The following ZNF782 variants were observed in gnomAD, a reference collection of about 807,000 sequenced individuals.
ZNF782 encodes zinc finger protein 782.
ZNF782 carries 12 observed loss-of-function variants against 13.0 expected under a neutral mutation model. The observed-to-expected ratio is 0.92, with a 90% CI of 0.59 to 1.50. ZNF782 has a LOEUF of 1.50. Ranked by LOEUF, ZNF782 falls within the 40% of genes most tolerant of loss-of-function variation. The pLI, the probability that ZNF782 is intolerant of heterozygous loss-of-function variation, is 0.00. For synonymous variants in ZNF782, 284 were observed against 283.0 expected (o/e 1.00, Z -0.04); for missense variants, 770 against 822.9 (o/e 0.94, Z 0.79).
At chr9:96,868,093 ACT>A (rs1164858114) in intron 1 of ZNF782, among the ~76,000 whole-genome samples, 8 of 152,212 alleles carry the variant, frequency 5.3e-5, no homozygotes, top group African/African-American at 1.7e-4. Context: ...AAGTAGAGAG[ACT>A]CTCTCAAAGA....
chr9:96,877,226 A>G (rs1056307944), upstream of ZNF782, among the ~76,000 whole-genome samples: 12 of 152,194 alleles, frequency 7.9e-5, no homozygotes, highest in African/African-American at 2.9e-4. Flanking sequence ...GCACCTATTC[A>G]CCCAAGGGTT....
chr9:96,911,294 C>G, the ZNF782 span, among the ~76,000 whole-genome samples: 3 of 144,266 alleles, frequency 2.1e-5, no homozygotes, highest in Admixed American at 2.1e-4. Flanking sequence ...AAAAAATTAG[C>G]TGGGCGCGGT....
At chr9:96,884,647 C>T in the ZNF782 span, among the ~76,000 whole-genome samples, 3 of 152,194 alleles carry the variant, frequency 2.0e-5, no homozygotes, top group East Asian at 3.9e-4. Flanking sequence ...AGTCAGCGTC[C>T]CACTTTGACC....
the ZNF782 span, among the ~76,000 whole-genome samples, chr9:96,911,156 A>G: frequency 6.8e-6 from 1 of 147,820 alleles, no homozygotes; most frequent in South Asian, 2.1e-4. Flanking sequence ...TTGTAAAAAA[A>G]GGGCCAGGCG....
the ZNF782 span, among the ~76,000 whole-genome samples, chr9:96,930,872 G>GTT: frequency 6.2e-4 from 45 of 72,724 alleles, 11 homozygotes; most frequent in South Asian, 1.1e-3. Context: ...CCATCCAGTG[G>GTT]TTTTTTTTTT....
chr9:96,879,554 G>A (rs555548326), upstream of ZNF782, among the ~76,000 whole-genome samples: 34 of 152,232 alleles, frequency 2.2e-4, no homozygotes, highest in South Asian at 6.6e-3. Flanking sequence ...TCTAATAAAA[G>A]GGACTTTTAC....
chr9:96,818,042 G>A lies in ZNF782; in HGVS notation c.1981C>T (p.Leu661Phe). 6.2e-7 allele frequency: 1 copy of A among 1,613,918 alleles called. No individual in the cohort carries two copies. The highest frequency in any genetic ancestry group is 8.5e-7 in the Non-Finnish European group (1 of 1,179,952). ...CGEAFSQKSN[L>F]RVHQRTHTGE... ...GTGTGAGTTCTCTGATGTACTCTGA[G>A]ATTGGATTTCTGACTGAAAGCTTCC... is the stretch of plus-strand genomic sequence containing the variant. The change falls in exon 6 of 6, where the codon CTC (leucine) becomes TTC (phenylalanine). Residue 661 changes from leucine (L) to phenylalanine (F), a missense_variant. Transcript: ENST00000481138.
rs143317470 is a variant in ZNF782 at position 96,831,247 on chromosome 9, A to G, written c.143-4066T>C. Among the ~76,000 whole-genome samples the G allele has an allele frequency of 3.7e-3, 569 of 152,312 alleles. 2 individuals are homozygous for G. In the Middle Eastern group the frequency reaches 0.037, roughly 10 times the overall value. On this transcript the variant is annotated intron_variant, in intron 4 of 5. Transcript: ENST00000481138. ...AGGACAAAGCTCTTTGTGGTGACTG[A>G]ATAGTTCTGTTGACTTGACTGTAGT...
chr9:96,818,133 C>G lies in ZNF782; in HGVS notation c.1890G>C (p.Lys630Asn), dbSNP rs1421593705. The change falls in exon 6 of 6, where the codon AAG (lysine) becomes AAC (asparagine). Residue 630 changes from lysine (K) to asparagine (N), a missense_variant. Transcript: ENST00000481138. ...CNECGKAFSEKSVLRKHQRTH... is the reference protein window; with the variant it reads ...CNECGKAFSENSVLRKHQRTH... The stretch of plus-strand genomic sequence containing the variant: ...TTCGCTGATGTTTTCTTAGGACTGA[C>G]TTCTCACTGAAAGCTTTTCCACATT... 6.2e-7 allele frequency: 1 copy of G among 1,613,110 alleles called. No homozygotes were observed. Among genetic ancestry groups the G allele is most frequent in the African/African-American group, 1.3e-5 (1 of 74,580 alleles).
chr9:96,878,022 CTTG>C (rs1226079466), upstream of ZNF782, among the ~76,000 whole-genome samples: 1 of 152,130 alleles, frequency 6.6e-6, no homozygotes, highest in Non-Finnish European at 1.5e-5. Context: ...AACTTGTTAA[CTTG>C]TTATTTTATT....
At chr9:96,910,977 T>G in the ZNF782 span, among the ~76,000 whole-genome samples, 2 of 148,820 alleles carry the variant, frequency 1.3e-5, no homozygotes, top group Non-Finnish European at 3.0e-5. Flanking sequence ...GAAATTTGCT[T>G]GTATTTTTAA....
At chr9:96,910,786 G>T in the ZNF782 span, among the ~76,000 whole-genome samples, 2 of 147,870 alleles carry the variant, frequency 1.4e-5, no homozygotes, top group Admixed American at 6.8e-5. Flanking sequence ...ACAGGCGCCC[G>T]CCACGACACC....
At chr9:96,848,398 C>CAT (rs1851397340) in intron 3 of ZNF782, among the ~76,000 whole-genome samples, 1 of 152,086 alleles carries the variant, frequency 6.6e-6, no homozygotes, top group African/African-American at 2.4e-5. Context: ...ATGATATGAT[C>CAT]ATATACCTAG....
At chr9:96,853,601 G>C (rs7036728) in intron 1 of ZNF782, among the ~76,000 whole-genome samples, 1 of 152,152 alleles carries the variant, frequency 6.6e-6, no homozygotes, top group African/African-American at 2.4e-5. Flanking sequence ...TCTGACCCAA[G>C]AGATCTGAAG....
intron 3 of ZNF782, among the ~76,000 whole-genome samples, chr9:96,851,247 A>G (rs1458442601): frequency 6.6e-6 from 1 of 152,142 alleles, no homozygotes; most frequent in African/African-American, 2.4e-5. Context: ...TAATGACAAA[A>G]ATTATATTGA....
intron 4 of ZNF782, among the ~76,000 whole-genome samples, chr9:96,833,686 C>T (rs1178300540): frequency 6.6e-6 from 1 of 152,150 alleles, no homozygotes; most frequent in African/African-American, 2.4e-5. Context: ...GCATACTATA[C>T]TTTTTAGAAG....
At chr9:96,897,521 C>G in the ZNF782 span, among the ~76,000 whole-genome samples, 4 of 152,030 alleles carry the variant, frequency 2.6e-5, no homozygotes, top group South Asian at 8.3e-4. Flanking sequence ...TTCCAGAATT[C>G]CACTCCACAG....
chr9:96,903,902 C>CA, the ZNF782 span, among the ~76,000 whole-genome samples: 1 of 152,014 alleles, frequency 6.6e-6, no homozygotes, highest in South Asian at 2.1e-4. Context: ...AGGAGTGGGA[C>CA]TGGTGGGTCA....
At chr9:96,871,597 G>A (rs1002977424) in intron 1 of ZNF782, among the ~76,000 whole-genome samples, 1 of 152,182 alleles carries the variant, frequency 6.6e-6, no homozygotes, top group Non-Finnish European at 1.5e-5. Flanking sequence ...TACTCATAAG[G>A]CTTAAATGGC....
Sources: allele counts gnomAD v4.1 joint callset (sites outside exome capture counted in the v4.1 genomes callset), GRCh38; gene constraint gnomAD v4.1.1; transcripts MANE v1.5; gene names NCBI Gene and HGNC (gene_info 2026-07-23, HGNC 2026-07-21).